Variants in ARHGAP26 observed in about 807,000 individuals in gnomAD.
ARHGAP26 encodes rho GTPase-activating protein 26.
A neutral mutation model predicts 104.8 loss-of-function variants in ARHGAP26; 38 were observed. The ratio of observed to expected loss-of-function variants is 0.36; its 90% CI spans 0.28 to 0.48. The LOEUF (loss-of-function observed/expected upper bound fraction) is 0.48. Among genes scored for constraint, ARHGAP26 ranks in the 20% least tolerant of loss-of-function variants. ARHGAP26 has a pLI of 0.99. For missense variants in ARHGAP26, 704 were observed against 947.9 expected (o/e 0.74, Z 3.38); for synonymous variants, 341 against 340.0 (o/e 1.00, Z -0.03).
chr5:143,206,323 G>A (rs1200970469), intron 20 of ARHGAP26, among the ~76,000 whole-genome samples: 1 of 152,236 alleles, frequency 6.6e-6, no homozygotes, highest in Non-Finnish European at 1.5e-5. Flanking sequence ...ATTTCACAGA[G>A]TTGTGAAGGT....
In ARHGAP26 at chr5:142,885,324, G is replaced by C; in HGVS notation, c.411G>C (p.Glu137Asp). Residue 137 changes from glutamate (E) to aspartate (D), a missense_variant, in exon 5 of 23, where the codon GAG (glutamate) becomes GAC (aspartate). By Grantham distance (45) the Glu-to-Asp change is conservative. Coordinates refer to ENST00000645722, the MANE Select transcript of ARHGAP26 (RefSeq NM_001135608.3). The part of the protein sequence containing the change: ...AKEAKKKYDK[E>D]TEKYCGILEK... ...AAGCCAAAAAGAAGTATGACAAAGAGACAGAAAAGTATTGTGGCATCTTAG... is the reference window on the plus strand; with the variant it reads ...AAGCCAAAAAGAAGTATGACAAAGACACAGAAAAGTATTGTGGCATCTTAG... 1 of 1,613,740 alleles carries C rather than the reference G, an allele frequency of 6.2e-7. No individual in the cohort carries two copies. The highest frequency in any genetic ancestry group is 8.5e-7 in the Non-Finnish European group (1 of 1,179,790).
At chr5:143,187,761 C>T (rs117868161) in intron 20 of ARHGAP26, among the ~76,000 whole-genome samples, 38 of 152,336 alleles carry the variant, frequency 2.5e-4, no homozygotes, top group African/African-American at 8.2e-4. Context: ...ACTGTTGGGA[C>T]GAGTCAGTGA....
chr5:142,975,982 T>A (rs1339674175), intron 11 of ARHGAP26, among the ~76,000 whole-genome samples: 1 of 152,226 alleles, frequency 6.6e-6, no homozygotes, highest in Non-Finnish European at 1.5e-5. Flanking sequence ...AAACTCTCCG[T>A]GGAACTTAGT....
At chr5:143,134,234 A>G (rs1211976161) in intron 19 of ARHGAP26, 129 bp downstream of exon 19, 1 of 1,125,308 alleles carries the variant, frequency 8.9e-7, no homozygotes, top group Non-Finnish European at 1.2e-6. Flanking sequence ...AGACTGTATC[A>G]TTGTGCCCTC....
At chr5:143,072,330 T>C (rs1788389189) in intron 17 of ARHGAP26, among the ~76,000 whole-genome samples, 1 of 152,210 alleles carries the variant, frequency 6.6e-6, no homozygotes, top group Non-Finnish European at 1.5e-5. Flanking sequence ...GTACAGCCAC[T>C]GTGGAAAGCA....
intron 20 of ARHGAP26, among the ~76,000 whole-genome samples, chr5:143,164,030 T>C (rs151270953): frequency 9.8e-4 from 148 of 150,960 alleles, no homozygotes; most frequent in African/African-American, 3.4e-3. Context: ...ACTTTATCTT[T>C]AGGTTGTATT....
intron 12 of ARHGAP26, among the ~76,000 whole-genome samples, chr5:143,025,915 C>T (rs1302733911): frequency 1.3e-5 from 2 of 152,052 alleles, no homozygotes; most frequent in African/African-American, 2.4e-5. Context: ...TTTTACTTTA[C>T]TCTATGTCTC....
At chr5:143,185,472 A>G (rs1338755221) in intron 20 of ARHGAP26, among the ~76,000 whole-genome samples, 1 of 152,218 alleles carries the variant, frequency 6.6e-6, no homozygotes, top group African/African-American at 2.4e-5. Context: ...TTCTTTTACC[A>G]AAAACGAAGT....
chr5:142,920,909 C>T (rs145274308), intron 10 of ARHGAP26, among the ~76,000 whole-genome samples: 10 of 152,278 alleles, frequency 6.6e-5, no homozygotes, highest in Non-Finnish European at 1.0e-4. Flanking sequence ...TTACAGGGGA[C>T]GATGGCATGA....
At position 143,110,228 on chromosome 5, in the gene ARHGAP26, C is replaced by A. The variant is rs7709171; in HGVS notation, c.1539-10760C>A. On this transcript the variant is annotated intron_variant, in intron 17 of 22. Coordinates refer to ENST00000645722, the MANE Select transcript of ARHGAP26 (RefSeq NM_001135608.3). ...AGCACCATATATTTTCTTTGCTTAT[C>A]GCCTGTCCTACTCCAAAAGAATGTA... Among the ~76,000 whole-genome samples the A allele has an allele frequency of 7.2e-5, 11 of 152,250 alleles. No homozygotes were observed. In the East Asian group the frequency reaches 1.7e-3, roughly 24 times the overall value.
chr5:143,027,841 T>C (rs1354911526), intron 12 of ARHGAP26, among the ~76,000 whole-genome samples: 1 of 152,216 alleles, frequency 6.6e-6, no homozygotes, highest in Non-Finnish European at 1.5e-5. Flanking sequence ...TAGTATATAG[T>C]ACAGTGTTTT....
intron 1 of ARHGAP26, among the ~76,000 whole-genome samples, chr5:142,781,311 C>T (rs1757453327): frequency 6.6e-6 from 1 of 152,192 alleles, no homozygotes; most frequent in Admixed American, 6.5e-5. Flanking sequence ...ACATTTATTT[C>T]AAAAAGGAGC....
At position 143,179,613 on chromosome 5, in the gene ARHGAP26, G is replaced by A. The variant is rs904397022; in HGVS notation, c.1989-27585G>A. Among the ~76,000 whole-genome samples, 5 of 152,350 alleles carry A rather than the reference G, an allele frequency of 3.3e-5. No individual in the cohort carries two copies. In the East Asian group the frequency reaches 7.7e-4, roughly 24 times the overall value. ...AGAGTTCTTAGCTGCAAGCCACTGG[G>A]TGGCCACTCCAGAAGACATCTGGAA... On this transcript the variant is annotated intron_variant, in intron 20 of 22. Coordinates refer to ENST00000645722, the MANE Select transcript of ARHGAP26 (RefSeq NM_001135608.3).
intron 1 of ARHGAP26, among the ~76,000 whole-genome samples, chr5:142,775,357 A>T (rs1010392430): frequency 1.3e-5 from 2 of 152,052 alleles, no homozygotes; most frequent in African/African-American, 4.8e-5. Context: ...ATGACATATG[A>T]TGTTTGGCAT....
Position 143,157,865 on chromosome 5 carries a change from T to G in ARHGAP26, c.1988+10484T>G, listed in dbSNP as rs191327297. ...CAGGGCAAAGCCTGTGTGGCCTGAT[T>G]GTGGATCTACCAGGGTCAAGCCTCA... On this transcript the variant is annotated intron_variant, in intron 20 of 22. Coordinates refer to ENST00000645722, the MANE Select transcript of ARHGAP26 (RefSeq NM_001135608.3). Among the ~76,000 whole-genome samples the G allele has an allele frequency of 5.9e-5, 9 of 152,312 alleles. No homozygotes were observed. In the East Asian group the frequency reaches 1.5e-3, roughly 26 times the overall value.
In ARHGAP26 at chr5:143,173,054, G is replaced by A. The variant is rs1232747461; in HGVS notation, c.1988+25673G>A. The A allele has an allele frequency of 1.7e-5, 3 of 177,360 alleles. No homozygotes were observed. In the East Asian group the frequency reaches 2.8e-4, roughly 17 times the overall value. The allele number at this position is 177,360 out of a possible 1,614,324, so 11.0% of individuals were successfully genotyped here. A position where few individuals can be genotyped will look rare whatever the true frequency, so the allele number is the denominator to read the frequency against. On this transcript the variant is annotated intron_variant, in intron 20 of 22. Transcript: ENST00000645722. ...CCGTGTACGTGAGACCTGCACCCAG[G>A]TTTCTTTAAGGTAGCCTGGCAGTGC...
At chr5:143,013,123 G>A (rs1232945803) in intron 11 of ARHGAP26, among the ~76,000 whole-genome samples, 2 of 151,942 alleles carry the variant, frequency 1.3e-5, no homozygotes, top group African/African-American at 4.8e-5. Flanking sequence ...ACTTTATAAG[G>A]AATACTAACT....
At position 142,917,475 on chromosome 5, in the gene ARHGAP26, T is replaced by A. The variant is rs559075244; in HGVS notation, c.1028+4182T>A. Among the ~76,000 whole-genome samples, 29 of 152,268 alleles carry A rather than the reference T, an allele frequency of 1.9e-4. No homozygotes were observed. The South Asian group carries it at 6.0e-3, about 32-fold the overall frequency. The stretch of plus-strand genomic sequence containing the variant: ...GCTATTGGCACCCTGTCAGTTGCAT[T>A]TGGCATTGTAAACTACAATGAAACT... On this transcript the variant is annotated intron_variant, in intron 10 of 22. Coordinates refer to ENST00000645722, the MANE Select transcript of ARHGAP26 (RefSeq NM_001135608.3).
chr5:142,982,184 C>G (rs140704675), intron 11 of ARHGAP26, among the ~76,000 whole-genome samples: 2 of 152,340 alleles, frequency 1.3e-5, no homozygotes, highest in Admixed American at 1.3e-4. Flanking sequence ...CCCCATCCCC[C>G]AAGGCAAAGG....
Sources: allele counts gnomAD v4.1 joint callset (sites outside exome capture counted in the v4.1 genomes callset), GRCh38; gene constraint gnomAD v4.1.1; transcripts MANE v1.5; gene names NCBI Gene and HGNC (gene_info 2026-07-23, HGNC 2026-07-21).